The following ERG variants were observed in gnomAD, a reference collection of about 807,000 sequenced individuals.
The protein encoded by ERG is transcriptional regulator ERG.
ERG carries 9 observed loss-of-function variants against 55.3 expected under a neutral mutation model. The ratio of observed to expected loss-of-function variants is 0.16; its 90% CI spans 0.10 to 0.28. The LOEUF is 0.28. Among genes scored for constraint, ERG ranks in the 10% least tolerant of loss-of-function variants. The pLI is 1.00. For missense variants in ERG, 434 were observed against 631.6 expected (o/e 0.69, Z 3.35); for synonymous variants, 223 against 237.3 (o/e 0.94, Z 0.55).
chr21:38,649,168 C>T (rs1029363804), intron 1 of ERG, among the ~76,000 whole-genome samples: 1 of 152,212 alleles, frequency 6.6e-6, no homozygotes, highest in African/African-American at 2.4e-5. Context: ...CCATTTCGCA[C>T]CCGCAGATAC....
chr21:38,580,058 G>T (rs1478278864), intron 1 of ERG, among the ~76,000 whole-genome samples: 5 of 151,928 alleles, frequency 3.3e-5, no homozygotes, highest in Non-Finnish European at 7.4e-5. Flanking sequence ...CTGACCTCTT[G>T]ATCCACCCGC....
intron 3 of ERG, among the ~76,000 whole-genome samples, chr21:38,422,374 G>A (rs1419560946): frequency 2.0e-5 from 3 of 152,260 alleles, no homozygotes; most frequent in Non-Finnish European, 4.4e-5. Context: ...GAGACTAAAG[G>A]AGTAAGGCAG....
intron 1 of ERG, among the ~76,000 whole-genome samples, chr21:38,641,536 C>T (rs925909264): frequency 6.6e-6 from 1 of 152,140 alleles, no homozygotes; most frequent in Non-Finnish European, 1.5e-5. Context: ...CTAAAGCAAC[C>T]GGAAAGAGGC....
chr21:38,371,101 T>G, the ERG span, among the ~76,000 whole-genome samples: 14 of 152,220 alleles, frequency 9.2e-5, no homozygotes, highest in African/African-American at 3.4e-4. Flanking sequence ...AATGAAGGTT[T>G]ATTGTTTTCC....
At chr21:38,527,892 T>C (rs191408561) in intron 2 of ERG, among the ~76,000 whole-genome samples, 67 of 152,326 alleles carry the variant, frequency 4.4e-4, no homozygotes, top group African/African-American at 7.9e-4. Flanking sequence ...TCTGATAAGA[T>C]TGTATGCGTT....
intron 1 of ERG, among the ~76,000 whole-genome samples, chr21:38,582,030 G>A (rs1055892888): frequency 9.9e-5 from 13 of 131,600 alleles, no homozygotes; most frequent in East Asian, 2.2e-4. Context: ...GCAACAGAGC[G>A]AGACTCCATC....
At chr21:38,495,491 T>G (rs1356970290) in intron 1 of ERG, among the ~76,000 whole-genome samples, 1 of 152,246 alleles carries the variant, frequency 6.6e-6, no homozygotes, top group African/African-American at 2.4e-5. Flanking sequence ...CTGCTGGCTC[T>G]CTCCACATCC....
rs1198805092 is a variant in ERG, at chr21:38,429,542, CAT to C, written c.237-5983_237-5982del. ...ACATGTATGCACATGTACATATATACATATGTGTATATGTACATGTATACACA... is the reference window on the plus strand; with the variant it reads ...ACATGTATGCACATGTACATATATACATGTGTATATGTACATGTATACACA... On this transcript the variant is annotated intron_variant, in intron 2 of 9. Transcript: ENST00000288319. Among the ~76,000 whole-genome samples the C allele has an allele frequency of 1.6e-4, 8 of 51,042 alleles. 4 individuals carry two copies. The highest frequency in any genetic ancestry group is 1.6e-3 in the South Asian group (2 of 1,214). 33.5% of individuals were successfully genotyped at this position (51,042 alleles called of 152,430 possible). A position where few individuals can be genotyped will look rare whatever the true frequency, so the allele number is the denominator to read the frequency against.
chr21:38,372,243 G>A, the ERG span, among the ~76,000 whole-genome samples: 1 of 151,804 alleles, frequency 6.6e-6, no homozygotes, highest in Non-Finnish European at 1.5e-5. Flanking sequence ...TCTCACTAAA[G>A]ACAAGATTTG....
At chr21:38,534,095 T>A (rs550579070) in intron 2 of ERG, among the ~76,000 whole-genome samples, 2 of 152,238 alleles carry the variant, frequency 1.3e-5, no homozygotes, top group South Asian at 4.1e-4. Context: ...AAAGCCTTTA[T>A]AACTCCCCTC....
intron 2 of ERG, among the ~76,000 whole-genome samples, chr21:38,533,975 C>T (rs1427617277): frequency 6.6e-6 from 1 of 152,026 alleles, no homozygotes; most frequent in Non-Finnish European, 1.5e-5. Context: ...AGTGCTCTCA[C>T]CCTCCTCCCT....
intron 2 of ERG, among the ~76,000 whole-genome samples, chr21:38,443,984 G>A (rs1247872554): frequency 6.6e-6 from 1 of 152,174 alleles, no homozygotes; most frequent in Non-Finnish European, 1.5e-5. Flanking sequence ...ATGCACAGAC[G>A]CAAACTGACT....
rs974279718 is a variant in ERG, at chr21:38,402,537, AGGGGC to A, written c.673+15_673+19del. On this transcript the variant is annotated intron_variant, in intron 5 of 9. Coordinates refer to ENST00000288319, the MANE Select transcript of ERG (RefSeq NM_182918.4). Reference sequence around the variant, plus strand: ...AGACCCTACGCTCTTGCTGGGAGGCAGGGGCGGGGCCAGCATTACCTGTGTTTCTA... The same window carrying A: ...AGACCCTACGCTCTTGCTGGGAGGCAGGGGCCAGCATTACCTGTGTTTCTA... 2 of 1,598,676 alleles carry A rather than the reference AGGGGC, an allele frequency of 1.3e-6. No homozygotes were observed. The highest frequency in any genetic ancestry group is 2.7e-5 in the African/African-American group (2 of 74,430).
At chr21:38,613,228 T>C (rs1373648161) in intron 1 of ERG, among the ~76,000 whole-genome samples, 3 of 152,248 alleles carry the variant, frequency 2.0e-5, no homozygotes, top group Non-Finnish European at 4.4e-5. Context: ...GCAGTTTCAC[T>C]GCTGTGAGTT....
chr21:38,506,033 A>C (rs1290803420), intron 2 of ERG, among the ~76,000 whole-genome samples: 3 of 151,122 alleles, frequency 2.0e-5, no homozygotes, highest in Non-Finnish European at 4.4e-5. Flanking sequence ...TTTTTTTTGA[A>C]AAATTTGGAT....
At chr21:38,501,598 C>T (rs1455500874), upstream of ERG, among the ~76,000 whole-genome samples, 3 of 152,102 alleles carry the variant, frequency 2.0e-5, no homozygotes, top group African/African-American at 7.2e-5. Flanking sequence ...AGCCACCACG[C>T]GGACCAAGTT....
intron 1 of ERG, among the ~76,000 whole-genome samples, chr21:38,605,146 C>T (rs545587778): frequency 6.6e-6 from 1 of 152,306 alleles, no homozygotes; most frequent in East Asian, 1.9e-4. Context: ...CTTCTGTCCA[C>T]TTTTTAAACC....
At chr21:38,552,920 C>T (rs77957780) in intron 2 of ERG, among the ~76,000 whole-genome samples, 4,664 of 151,538 alleles carry the variant, frequency 0.031, 264 homozygotes, top group African/African-American at 0.11. Context: ...TCACAGAGGA[C>T]GTGATTTATG....
intron 1 of ERG, chr21:38,471,244 A>C (rs2146621985): frequency 6.6e-6 from 1 of 152,324 alleles, no homozygotes; most frequent in Admixed American, 6.5e-5. Flanking sequence ...AACTAGAGGC[A>C]ATGCCTCTTC....
Sources: gnomAD v4.1 joint callset for allele counts (sites outside exome capture counted in the v4.1 genomes callset) on GRCh38, gnomAD v4.1.1 for gene constraint, MANE v1.5 for transcripts, NCBI Gene and HGNC (gene_info 2026-07-23, HGNC 2026-07-21) for gene names.